Variants in SPHKAP observed in about 807,000 individuals in gnomAD.
SPHKAP encodes the protein A-kinase anchor protein SPHKAP.
SPHKAP carries 67 observed loss-of-function variants against 137.5 expected under a neutral mutation model. The ratio of observed to expected loss-of-function variants is 0.49; its 90% confidence interval spans 0.40 to 0.60. The LOEUF is 0.60. SPHKAP is among the 20% of genes least tolerant of loss of function. The probability of loss-of-function intolerance (pLI) is 0.00; values close to 1 mark genes in which losing one functional copy is unlikely to be tolerated. For synonymous variants in SPHKAP, 813 were observed against 785.3 expected (o/e 1.04, Z -0.59); for missense variants, 2,097 against 2,069.3 (o/e 1.01, Z -0.26).
intron 2 of SPHKAP, among the ~76,000 whole-genome samples, chr2:228,123,872 A>C (rs558677540): frequency 6.6e-6 from 1 of 152,212 alleles, no homozygotes; most frequent in Non-Finnish European, 1.5e-5. Context: ...CAGAGAACTC[A>C]AACAAATTTA....
chr2:227,989,938 G>A (rs1693354733), intron 11 of SPHKAP, among the ~76,000 whole-genome samples: 1 of 152,100 alleles, frequency 6.6e-6, no homozygotes, highest in African/African-American at 2.4e-5. Context: ...ACTCTTTAAA[G>A]ACAGAGCTTT....
chr2:228,068,232 C>T (rs572607987), intron 3 of SPHKAP, among the ~76,000 whole-genome samples: 6 of 152,042 alleles, frequency 3.9e-5, no homozygotes, highest in African/African-American at 1.2e-4. Flanking sequence ...ATAAAGGACA[C>T]ACTAAAAATA....
intron 2 of SPHKAP, among the ~76,000 whole-genome samples, chr2:228,124,975 C>T (rs182150818): frequency 5.3e-5 from 8 of 152,136 alleles, no homozygotes; most frequent in Non-Finnish European, 7.4e-5. Context: ...AGGGGGGAAT[C>T]ATGACCAAGA....
chr2:228,033,690 C>T (rs1320964815), intron 3 of SPHKAP, among the ~76,000 whole-genome samples: 1 of 152,208 alleles, frequency 6.6e-6, no homozygotes, highest in Non-Finnish European at 1.5e-5. Flanking sequence ...TCTCAGACCA[C>T]AGTGCAATTA....
At chr2:228,118,489 A>G (rs1698792983) in intron 2 of SPHKAP, among the ~76,000 whole-genome samples, 1 of 152,068 alleles carries the variant, frequency 6.6e-6, no homozygotes, top group Admixed American at 6.6e-5. Flanking sequence ...CCAGCGAGGT[A>G]TGAGAGTCCA....
intron 1 of SPHKAP, among the ~76,000 whole-genome samples, chr2:228,157,617 T>A (rs957833744): frequency 1.3e-5 from 2 of 152,172 alleles, no homozygotes; most frequent in Admixed American, 6.5e-5. Context: ...TTCAGAGGGA[T>A]TCTGAGTCTA....
Position 228,017,876 on chromosome 2 carries a change from C to T in SPHKAP, c.2978G>A (p.Arg993Lys). The T allele has an allele frequency of 6.2e-7, 1 of 1,614,042 alleles. No homozygotes were observed. The highest frequency in any genetic ancestry group is 8.5e-7 in the Non-Finnish European group (1 of 1,179,996). The change falls in exon 7 of 12, where the codon AGG becomes AAG. Residue 993 changes from arginine to lysine, a missense_variant. By Grantham distance (26) the Arg-to-Lys change is conservative. Transcript: ENST00000392056. Reference sequence around the variant, plus strand: ...ACTGAGCCGGGGAGGCTTGTGTTTCCTCACAGCGGTCCCGCTCCCCTGGCT... The same window carrying T: ...ACTGAGCCGGGGAGGCTTGTGTTTCTTCACAGCGGTCCCGCTCCCCTGGCT... Reference protein sequence around the residue: ...KESQGSGTAVRKHKPPRLSEI... With the variant: ...KESQGSGTAVKKHKPPRLSEI...
chr2:228,175,662 CTAGT>C (rs749566701), intron 1 of SPHKAP, among the ~76,000 whole-genome samples: 57 of 151,942 alleles, frequency 3.8e-4, no homozygotes, highest in Non-Finnish European at 7.2e-4. Context: ...TAGAAAATAG[CTAGT>C]TAATTTATCC....
At chr2:228,055,139 C>A in intron 3 of SPHKAP, among the ~76,000 whole-genome samples, 2 of 2,576 alleles carry the variant, frequency 7.8e-4, no homozygotes, top group African/African-American at 1.1e-3. Context: ...TGAAACTCCA[C>A]TCCAAAAAAA....
intron 2 of SPHKAP, among the ~76,000 whole-genome samples, chr2:228,115,417 CA>C (rs1283976518): frequency 1.3e-5 from 2 of 152,116 alleles, no homozygotes; most frequent in Non-Finnish European, 2.9e-5. Flanking sequence ...CAGTTGATAT[CA>C]GGACAATTCT....
intron 1 of SPHKAP, among the ~76,000 whole-genome samples, chr2:228,163,843 G>C (rs944324726): frequency 6.6e-5 from 10 of 152,102 alleles, no homozygotes; most frequent in African/African-American, 2.2e-4. Flanking sequence ...ATCCTATTCT[G>C]GTGATCCTGT....
intron 2 of SPHKAP, among the ~76,000 whole-genome samples, chr2:228,129,517 A>T (rs1208475856): frequency 8.5e-5 from 13 of 152,156 alleles, no homozygotes. Context: ...AAGATCTAAC[A>T]GAGTTTTGAA....
At chr2:228,051,345 AC>A (rs2106273189) in intron 3 of SPHKAP, among the ~76,000 whole-genome samples, 1 of 152,320 alleles carries the variant, frequency 6.6e-6, no homozygotes, top group South Asian at 2.1e-4. Context: ...GAAAAAATCT[AC>A]TTTTCTGCCC....
chr2:228,161,260 G>T (rs1408646489), intron 1 of SPHKAP, among the ~76,000 whole-genome samples: 2 of 152,210 alleles, frequency 1.3e-5, no homozygotes, highest in Non-Finnish European at 2.9e-5. Flanking sequence ...CGTAGACAGT[G>T]AGAGAATGTG....
At chr2:228,098,676 T>C (rs568459469) in intron 3 of SPHKAP, among the ~76,000 whole-genome samples, 14 of 151,410 alleles carry the variant, frequency 9.2e-5, no homozygotes, top group Admixed American at 9.2e-4. Flanking sequence ...GATGTGTTAA[T>C]GGGTGCAGCA....
intron 2 of SPHKAP, among the ~76,000 whole-genome samples, chr2:228,122,200 A>T (rs902280922): frequency 1.3e-4 from 20 of 152,216 alleles, no homozygotes; most frequent in African/African-American, 3.9e-4. Context: ...AGAAAAACAG[A>T]TCACTTGCCT....
chr2:228,155,475 T>C (rs910759646), intron 1 of SPHKAP, among the ~76,000 whole-genome samples: 1 of 152,234 alleles, frequency 6.6e-6, no homozygotes, highest in Non-Finnish European at 1.5e-5. Context: ...TCAGGTTTTA[T>C]AACTCCATAT....
chr2:228,174,619 A>G (rs538023851), intron 1 of SPHKAP, among the ~76,000 whole-genome samples: 2 of 152,304 alleles, frequency 1.3e-5, no homozygotes, highest in African/African-American at 4.8e-5. Context: ...TGGAGATACT[A>G]TTATTTTACA....
intron 3 of SPHKAP, among the ~76,000 whole-genome samples, chr2:228,107,075 T>G (rs1698364960): frequency 6.6e-6 from 1 of 152,138 alleles, no homozygotes; most frequent in South Asian, 2.1e-4. Context: ...AGTTATCATT[T>G]TTTTTTTGGC....
Sources: gnomAD v4.1 joint callset for allele counts (sites outside exome capture counted in the v4.1 genomes callset) on GRCh38, gnomAD v4.1.1 for gene constraint, MANE v1.5 for transcripts, NCBI Gene and HGNC (gene_info 2026-07-23, HGNC 2026-07-21) for gene names.